Variants in IFI6 observed in about 807,000 individuals in gnomAD.
IFI6 encodes interferon alpha-inducible protein 6.
Under a neutral mutation model 12.7 loss-of-function variants are expected in IFI6, and 10 were observed. The observed-to-expected ratio is 0.79, with a 90% CI of 0.49 to 1.33. IFI6 has a LOEUF of 1.33. Ranked by LOEUF, IFI6 falls within the 40% of genes most tolerant of loss-of-function variation. IFI6 has a pLI of 0.00. For missense variants in IFI6, 154 were observed against 180.4 expected (o/e 0.85, Z 0.84); for synonymous variants, 89 against 86.2 (o/e 1.03, Z -0.18).
intron 1 of IFI6, 122 bp downstream of exon 1, chr1:27,672,001 A>C (rs1047994210): frequency 2.0e-5 from 3 of 152,238 alleles, no homozygotes; most frequent in African/African-American, 7.2e-5. Context: ...AAAGGGACCC[A>C]GGAGTGCTGC....
chr1:27,668,192 A>G (rs764078101), intron 4 of IFI6, 34 bp downstream of exon 4: 2 of 1,446,866 alleles, frequency 1.4e-6, no homozygotes, highest in South Asian at 2.9e-5. Context: ...AATAGTAAAG[A>G]ACGTCCCACC....
chr1:27,666,580 G>A, intron 4 of IFI6, 105 bp from the exon 5 acceptor site: 1 of 728,168 alleles, frequency 1.4e-6, no homozygotes, highest in African/African-American at 1.8e-5. Flanking sequence ...TCTAGATGGA[G>A]AAACAGAGGC....
chr1:27,669,423 C>T (rs2090387523), intron 1 of IFI6, 77 bp from the exon 2 acceptor site: 1 of 848,542 alleles, frequency 1.2e-6, no homozygotes, highest in Admixed American at 2.1e-5. Flanking sequence ...CCTTCCAGTT[C>T]CAACTGAATC....
At chr1:27,668,591 C>A in intron 2 of IFI6, 56 bp from the exon 3 acceptor site, 1 of 1,426,822 alleles carries the variant, frequency 7.0e-7, no homozygotes, top group South Asian at 1.2e-5. Context: ...ACAGGGGTCC[C>A]CTACTCTGTG....
At chr1:27,669,913 A>T in intron 1 of IFI6, 1 of 153,324 alleles carries the variant, frequency 6.5e-6, no homozygotes. Flanking sequence ...TCAGAAAGAA[A>T]GCACAGAAGG....
At chr1:27,668,151 G>T in intron 4 of IFI6, 75 bp downstream of exon 4, 1 of 1,252,176 alleles carries the variant, frequency 8.0e-7, no homozygotes, top group Non-Finnish European at 1.1e-6. Context: ...ATTCCTGAGT[G>T]CCTCAGTTTC....
At position 27,668,218 on chromosome 1, in the gene IFI6, G is replaced by A. The variant is rs1452704192; in HGVS notation, c.298+8C>T. ...ACGTCCCACCAGGGGCCCAGGCCCC[G>A]CACTCACCGAGGCTCTGCAGCGTGG... On this transcript the variant is annotated splice_region_variant and intron_variant, in intron 4 of 4. Transcript: ENST00000361157. The A allele has an allele frequency of 8.6e-6, 13 of 1,512,932 alleles. No homozygotes were observed. Among genetic ancestry groups the A allele is most frequent in the Middle Eastern group, 4.7e-4 (2 of 4,300 alleles). 93.7% of individuals were successfully genotyped at this position (1,512,932 alleles called of 1,614,324 possible).
Position 27,666,233 on chromosome 1 carries a change from C to A in IFI6, c.*148G>T, listed in dbSNP as rs563370001. ...GTTGGAGGCTGCAGTGTACTATGTT[C>A]GCATCTGTGAATAGCCACTGCACTC... is the stretch of plus-strand genomic sequence containing the variant. On this transcript the variant is annotated 3_prime_UTR_variant, in exon 5 of 5. Transcript: ENST00000361157. 1 of 546,632 alleles carries A rather than the reference C, an allele frequency of 1.8e-6. No homozygotes were observed. The highest frequency in any genetic ancestry group is 3.1e-6 in the Non-Finnish European group (1 of 319,324). 33.9% of individuals were successfully genotyped at this position (546,632 alleles called of 1,614,324 possible).
intron 4 of IFI6, among the ~76,000 whole-genome samples, 161 bp downstream of exon 4, chr1:27,668,065 A>G (rs1186222565): frequency 6.6e-6 from 1 of 152,258 alleles, no homozygotes; most frequent in Non-Finnish European, 1.5e-5. Flanking sequence ...ACACAGCCAG[A>G]CTCTGTCTCA....
intron 1 of IFI6, among the ~76,000 whole-genome samples, chr1:27,670,744 T>C (rs2090398167): frequency 6.6e-6 from 1 of 152,182 alleles, no homozygotes; most frequent in Admixed American, 6.5e-5. Flanking sequence ...TGTCAAACCC[T>C]GTCCTTTTGT....
At chr1:27,671,654 G>A (rs1056793246) in intron 1 of IFI6, among the ~76,000 whole-genome samples, 2 of 151,078 alleles carry the variant, frequency 1.3e-5, no homozygotes, top group Non-Finnish European at 3.0e-5. Flanking sequence ...CCAAAGTGCT[G>A]GGATTACAGG....
rs1053295758 is a variant in IFI6, at chr1:27,668,467, C to A, written c.139G>T (p.Val47Phe). Reference protein sequence around the residue: ...GFWKALTFMAVGGGLAVAGLP... With the variant: ...GFWKALTFMAFGGGLAVAGLP... ...CGCCCTCCAGACCCACCTCCTCCGACGGCCATGAAGGTCAGGGCCTTCCAG... is the reference window on the plus strand; with the variant it reads ...CGCCCTCCAGACCCACCTCCTCCGAAGGCCATGAAGGTCAGGGCCTTCCAG... Residue 47 changes from valine (V) to phenylalanine (F), a missense_variant, in exon 3 of 5, where the codon GTC (valine) becomes TTC (phenylalanine). Coordinates refer to ENST00000361157, the MANE Select transcript of IFI6 (RefSeq NM_002038.4). 1.2e-6 allele frequency: 2 copies of A among 1,611,166 alleles called. No homozygotes were observed. The highest frequency in any genetic ancestry group is 1.7e-6 in the Non-Finnish European group (2 of 1,178,816).
intron 1 of IFI6, 33 bp from the exon 2 acceptor site, chr1:27,669,379 A>G (rs1468213304): frequency 4.3e-6 from 6 of 1,394,818 alleles, no homozygotes; most frequent in African/African-American, 2.9e-5. Context: ...TGGTCCCCGG[A>G]GCATTTTTGG....
chr1:27,667,054 A>C (rs2090357204), intron 4 of IFI6, among the ~76,000 whole-genome samples: 1 of 91,050 alleles, frequency 1.1e-5, no homozygotes, highest in South Asian at 4.2e-4. Flanking sequence ...AGAGCGCGAG[A>C]GAGAGGTGGG....
rs750742262 is a variant in IFI6 at position 27,668,557 on chromosome 1, G to C, written c.71-22C>G. ...TTACCTGCAGGAGAGCAGACAAAGC[G>C]TAGTGGGGGTGTTGGGGTGGGACAC... On this transcript the variant is annotated intron_variant, in intron 2 of 4. Transcript: ENST00000361157. 2.5e-6 allele frequency: 4 copies of C among 1,575,036 alleles called. No individual in the cohort carries two copies. The African/African-American group carries it at 5.4e-5, about 21-fold the overall frequency.
At chr1:27,670,755 G>A (rs1374630276) in intron 1 of IFI6, among the ~76,000 whole-genome samples, 2 of 152,154 alleles carry the variant, frequency 1.3e-5, no homozygotes, top group Non-Finnish European at 2.9e-5. Flanking sequence ...GTCCTTTTGT[G>A]TTTTTATGGA....
chr1:27,668,658 C>T, intron 2 of IFI6, 123 bp from the exon 3 acceptor site: 1 of 734,688 alleles, frequency 1.4e-6, no homozygotes, highest in African/African-American at 1.8e-5. Context: ...ACTCAGAGAG[C>T]CTCACAGAGG....
rs2090348516 is a variant in IFI6, at chr1:27,666,111, G to A, written c.*270C>T. The A allele has an allele frequency of 2.9e-6, 1 of 339,316 alleles. No individual in the cohort carries two copies. Among genetic ancestry groups the A allele is most frequent in the Non-Finnish European group, 5.4e-6 (1 of 184,972 alleles). 21.0% of individuals were successfully genotyped at this position (339,316 alleles called of 1,614,324 possible). The stretch of plus-strand genomic sequence containing the variant: ...CTGTTTTCACATCTAGGTTGTTGGG[G>A]AGAGTGATAGACAAAGTTCTGGATT... On this transcript the variant is annotated 3_prime_UTR_variant, in exon 5 of 5. Coordinates refer to ENST00000361157, the MANE Select transcript of IFI6 (RefSeq NM_002038.4).
chr1:27,671,313 G>A (rs2090402219), intron 1 of IFI6, among the ~76,000 whole-genome samples: 1 of 151,888 alleles, frequency 6.6e-6, no homozygotes, highest in Admixed American at 6.6e-5. Flanking sequence ...ATATTCCCAA[G>A]GCTGCCTAGC....
Sources: allele counts gnomAD v4.1 joint callset (sites outside exome capture counted in the v4.1 genomes callset), GRCh38; gene constraint gnomAD v4.1.1; transcripts MANE v1.5; gene names NCBI Gene and HGNC (gene_info 2026-07-23, HGNC 2026-07-21).